VIPR2: variants seen among roughly 807,000 people sequenced by gnomAD.
VIPR2 encodes the protein vasoactive intestinal polypeptide receptor 2.
VIPR2 carries 48 observed loss-of-function variants against 58.0 expected under a neutral mutation model. That is an observed-to-expected ratio of 0.83 (90% CI 0.66 to 1.05). The LOEUF is 1.05. VIPR2 is among the 50% of genes least tolerant of loss of function. The pLI is 0.00. For synonymous variants in VIPR2, 243 were observed against 235.2 expected, an observed-to-expected ratio of 1.03 and a Z score of -0.30; for missense variants, 534 against 558.0, an observed-to-expected ratio of 0.96 and a Z score of 0.43.
At chr7:159,066,309 T>TG (rs1856087388) in intron 4 of VIPR2, among the ~76,000 whole-genome samples, 1 of 147,208 alleles carries the variant, frequency 6.8e-6, no homozygotes, top group African/African-American at 2.5e-5. Flanking sequence ...GCGGCGTCCG[T>TG]GGATTCCAGG....
intron 2 of VIPR2, among the ~76,000 whole-genome samples, chr7:159,113,583 G>A (rs539374242): frequency 2.5e-4 from 38 of 152,270 alleles, no homozygotes; most frequent in African/African-American, 8.9e-4. Context: ...AGTGTCTTGA[G>A]AGTGTTCTGG....
At chr7:159,135,939 T>A (rs1481763621) in intron 2 of VIPR2, among the ~76,000 whole-genome samples, 1 of 152,160 alleles carries the variant, frequency 6.6e-6, no homozygotes, top group Non-Finnish European at 1.5e-5. Flanking sequence ...GTCCTGGCCA[T>A]GAAGCCTTCA....
At chr7:159,049,308 C>A (rs1262943445) in intron 5 of VIPR2, among the ~76,000 whole-genome samples, 2 of 152,180 alleles carry the variant, frequency 1.3e-5, no homozygotes, top group Non-Finnish European at 2.9e-5. Flanking sequence ...AGGAGGATAC[C>A]TCAGGAAAGG....
chr7:159,072,191 C>A (rs1196274842), intron 4 of VIPR2, among the ~76,000 whole-genome samples: 1 of 151,060 alleles, frequency 6.6e-6, no homozygotes, highest in African/African-American at 2.4e-5. Context: ...GGGAACCCTG[C>A]GGCACCTGCT....
At chr7:159,088,477 C>T (rs553131978) in intron 4 of VIPR2, among the ~76,000 whole-genome samples, 10 of 151,752 alleles carry the variant, frequency 6.6e-5, no homozygotes, top group Non-Finnish European at 8.8e-5. Flanking sequence ...GCACACCCAC[C>T]GCAGCACACC....
intron 2 of VIPR2, chr7:159,117,481 C>T (rs1796283221): frequency 1.4e-6 from 1 of 708,286 alleles, no homozygotes; most frequent in Non-Finnish European, 2.6e-6. Context: ...AGGACGTCAT[C>T]TCAGAGGTGG....
intron 4 of VIPR2, among the ~76,000 whole-genome samples, chr7:159,085,741 T>C (rs190496949): frequency 2.0e-5 from 3 of 152,006 alleles, no homozygotes; most frequent in Non-Finnish European, 4.4e-5. Context: ...TAGGAGTAAC[T>C]GGTGATTCCA....
intron 2 of VIPR2, among the ~76,000 whole-genome samples, chr7:159,133,873 T>C (rs1182617482): frequency 6.6e-6 from 1 of 152,208 alleles, no homozygotes. Context: ...AGAATGTCGA[T>C]GATGTAGTAG....
At position 159,096,950 on chromosome 7, in the gene VIPR2, T is replaced by A; in HGVS notation, c.357+6807A>T. The A allele has an allele frequency of 6.4e-7, 1 of 1,550,654 alleles. No individual in the cohort carries two copies. Among genetic ancestry groups the A allele is most frequent in the Non-Finnish European group, 8.7e-7 (1 of 1,147,002 alleles). ...AATGCCCTCGTGGCTGGCATTGAGC[T>A]TGGCACCTGCTGGGCCTGAGGACCA... is the stretch of plus-strand genomic sequence containing the variant. On this transcript the variant is annotated intron_variant, in intron 4 of 12. Transcript: ENST00000262178. The surrounding 1 kb of genome is among the most constrained non-coding windows in gnomAD (Gnocchi z 5.5).
intron 4 of VIPR2, among the ~76,000 whole-genome samples, chr7:159,079,113 G>A (rs1017150836): frequency 2.2e-4 from 34 of 152,120 alleles, no homozygotes; most frequent in African/African-American, 7.5e-4. Flanking sequence ...AAGACCACAA[G>A]GGAAGAACTG....
rs1270192784 is a variant in VIPR2, at chr7:159,036,767, G to A, written c.733C>T (p.Leu245Phe). 6 of 1,613,550 alleles carry A rather than the reference G, an allele frequency of 3.7e-6. No individual in the cohort carries two copies. Among genetic ancestry groups the A allele is most frequent in the Middle Eastern group, 1.7e-4 (1 of 6,060 alleles). ...LPPRRCFLAY[L>F]LIGWGLPTVC... is the part of the protein sequence containing the mutation. ...GCACACTTACCCCATCCGATCAGGA[G>A]GTAGGCCAGGAAGCACCTTCTAGGG... Residue 245 changes from leucine (L) to phenylalanine (F), a missense_variant, in exon 7 of 13, where the codon CTC becomes TTC. Physicochemically the swap from Leu to Phe is conservative, Grantham distance 22. Around this residue, in one of 3 missense-constraint regions of VIPR2, gnomAD observed 306 missense variants for 285.8 expected, o/e 1.07. Coordinates refer to ENST00000262178, the MANE Select transcript of VIPR2 (RefSeq NM_003382.5).
chr7:159,062,182 C>CTT (rs1855717595), intron 4 of VIPR2, among the ~76,000 whole-genome samples: 1 of 151,818 alleles, frequency 6.6e-6, no homozygotes, highest in Non-Finnish European at 1.5e-5. Flanking sequence ...GGGAGAAAAA[C>CTT]AGGGCAAGGA....
intron 5 of VIPR2, among the ~76,000 whole-genome samples, chr7:159,054,287 A>C (rs112852812): frequency 2.0e-5 from 3 of 152,200 alleles, no homozygotes; most frequent in Non-Finnish European, 4.4e-5. Context: ...AGAATATGGC[A>C]AAGATTTCTT....
At chr7:159,132,715 G>A (rs563405660) in intron 2 of VIPR2, among the ~76,000 whole-genome samples, 101 of 152,130 alleles carry the variant, frequency 6.6e-4, no homozygotes, top group African/African-American at 1.0e-3. Flanking sequence ...ACAAGGAATC[G>A]TGAGTATCTG....
intron 4 of VIPR2, among the ~76,000 whole-genome samples, chr7:159,094,804 T>C (rs1388717826): frequency 3.3e-5 from 5 of 152,226 alleles, no homozygotes; most frequent in Non-Finnish European, 7.3e-5. Flanking sequence ...TATTTTCTTT[T>C]AAAATCCAAA....
rs1228002276 is a variant in VIPR2, at chr7:159,035,994, AT to A, written c.766del (p.Ile256SerfsTer11). ...LIGWGLPTVC[I>X]GAWTAARLYL... Reference sequence around the variant, plus strand: ...GAGCCTGGCCGCAGTCCATGCACCGATGCAGACGGTGGGGAGGCCTGCAGAG... The same window carrying A: ...GAGCCTGGCCGCAGTCCATGCACCGAGCAGACGGTGGGGAGGCCTGCAGAG... On this transcript the variant is annotated frameshift_variant, in exon 8 of 13. Coordinates refer to ENST00000262178, the MANE Select transcript of VIPR2 (RefSeq NM_003382.5). LOFTEE classifies it high-confidence loss of function. The A allele has an allele frequency of 6.2e-7, 1 of 1,613,576 alleles. No individual in the cohort carries two copies. Among genetic ancestry groups the A allele is most frequent in the East Asian group, 2.2e-5 (1 of 44,866 alleles).
At position 159,031,908 on chromosome 7, in the gene VIPR2, G is replaced by T; in HGVS notation, c.1101+30C>A. 6.2e-7 allele frequency: 1 copy of T among 1,614,118 alleles called. No individual in the cohort carries two copies. Among genetic ancestry groups the T allele is most frequent in the East Asian group, 2.2e-5 (1 of 44,870 alleles). ...AGATGGTCAGGCAGGACCCGCGCTCGGGGGAGGGCGGCCGCCTCCGCACAC... is the reference window on the plus strand; with the variant it reads ...AGATGGTCAGGCAGGACCCGCGCTCTGGGGAGGGCGGCCGCCTCCGCACAC... On this transcript the variant is annotated intron_variant, in intron 11 of 12. Transcript: ENST00000262178. This position sits in a 1 kb window ranked among gnomAD's most constrained non-coding sequence, Gnocchi z 4.0.
chr7:159,134,994 A>T, intron 2 of VIPR2, among the ~76,000 whole-genome samples: 1 of 119,254 alleles, frequency 8.4e-6, no homozygotes, highest in Non-Finnish European at 1.8e-5. Context: ...GTCTTCTCTT[A>T]ATTACAAAAG....
At chr7:159,140,156 A>T (rs535620504) in intron 2 of VIPR2, among the ~76,000 whole-genome samples, 360 of 152,238 alleles carry the variant, frequency 2.4e-3, no homozygotes, top group African/African-American at 8.5e-3. Context: ...ACCTCATTGG[A>T]ATTGGAAGCT....
Sources: gnomAD v4.1 joint callset for allele counts (sites outside exome capture counted in the v4.1 genomes callset) on GRCh38, gnomAD v4.1.1 for gene constraint, gnomAD v4.1.1 regional missense constraint, Gnocchi (gnomAD v3.1) non-coding constraint, MANE v1.5 for transcripts, NCBI Gene and HGNC (gene_info 2026-07-23, HGNC 2026-07-21) for gene names.